The following KCNMA1 variants were observed in gnomAD, a reference collection of about 807,000 sequenced individuals.
KCNMA1 encodes the protein Calcium-activated potassium channel subunit alpha-1.
A neutral mutation model predicts 140.0 loss-of-function variants in KCNMA1; 29 were observed. The observed-to-expected ratio is 0.21, with a 90% CI of 0.15 to 0.28. The LOEUF (loss-of-function observed/expected upper bound fraction) is 0.28. Ranked by LOEUF, KCNMA1 falls within the 10% of genes least tolerant of loss-of-function variation. KCNMA1 has a pLI of 1.00. For missense variants in KCNMA1, 880 were observed against 1,602.2 expected (o/e 0.55, Z 7.70); for synonymous variants, 612 against 611.9 (o/e 1.00, Z 0.00).
chr10:77,538,959 C>T (rs1196606509), intron 1 of KCNMA1, among the ~76,000 whole-genome samples: 2 of 152,230 alleles, frequency 1.3e-5, no homozygotes, highest in South Asian at 2.1e-4. Flanking sequence ...GTACATAGGT[C>T]CCCCCTCCTG....
chr10:76,939,569 G>A lies in KCNMA1; in HGVS notation c.2902+5204C>T, dbSNP rs571310890. 5.9e-5 allele frequency: 9 copies of A among 152,338 alleles called. No homozygotes were observed. The East Asian group carries it at 9.7e-4, about 16-fold the overall frequency. The allele number at this position is 152,338 out of a possible 1,614,324, so 9.4% of individuals were successfully genotyped here. ...TCCTCCACTCACCTGAATCCTGCAA[G>A]CATAGTGAGTGGCTGAATCCAAGCA... On this transcript the variant is annotated intron_variant, in intron 23 of 27. Coordinates refer to ENST00000286628, the MANE Select transcript of KCNMA1 (RefSeq NM_001161352.2).
At chr10:77,601,576 C>A (rs1379945946) in intron 1 of KCNMA1, among the ~76,000 whole-genome samples, 1 of 152,178 alleles carries the variant, frequency 6.6e-6, no homozygotes, top group Non-Finnish European at 1.5e-5. Context: ...TATCTGCTGG[C>A]AGCTTATTCC....
intron 21 of KCNMA1, among the ~76,000 whole-genome samples, chr10:76,950,105 G>A (rs1591688166): frequency 6.6e-6 from 1 of 152,148 alleles, no homozygotes; most frequent in African/African-American, 2.4e-5. Context: ...ATACGTTTAG[G>A]TATTGCCTAT....
intron 23 of KCNMA1, among the ~76,000 whole-genome samples, chr10:76,935,471 T>A (rs1435414359): frequency 2.6e-5 from 4 of 152,228 alleles, no homozygotes; most frequent in African/African-American, 9.6e-5. Flanking sequence ...CTTGACTAGC[T>A]ATAAGGCTAT....
chr10:77,238,945 T>C (rs1267217774), intron 3 of KCNMA1, among the ~76,000 whole-genome samples: 1 of 152,184 alleles, frequency 6.6e-6, no homozygotes, highest in East Asian at 1.9e-4. Flanking sequence ...TCTATAATTT[T>C]ACTTGCTGTA....
chr10:77,083,946 A>G (rs1225342280), intron 12 of KCNMA1, among the ~76,000 whole-genome samples: 1 of 152,172 alleles, frequency 6.6e-6, no homozygotes, highest in African/African-American at 2.4e-5. Context: ...GCATATTAGT[A>G]TTAAAAGCAC....
intron 29 of KCNMA1, among the ~76,000 whole-genome samples, chr10:76,879,320 G>A (rs1420234535): frequency 6.6e-6 from 1 of 152,108 alleles, no homozygotes; most frequent in African/African-American, 2.4e-5. Flanking sequence ...GAAACTTGCT[G>A]CCTCTTGCCT....
At chr10:77,296,280 A>G (rs541285890) in intron 2 of KCNMA1, among the ~76,000 whole-genome samples, 2 of 152,174 alleles carry the variant, frequency 1.3e-5, no homozygotes, top group Non-Finnish European at 2.9e-5. Flanking sequence ...GGAAGGGGCC[A>G]TGGACCAAAA....
At chr10:77,085,247 T>C (rs961919328) in intron 11 of KCNMA1, among the ~76,000 whole-genome samples, 4 of 152,120 alleles carry the variant, frequency 2.6e-5, no homozygotes, top group Non-Finnish European at 5.9e-5. Context: ...TCAGATAACA[T>C]CACCATATTG....
rs571786337 is a variant in KCNMA1, at chr10:77,108,363, G to A, written c.1223+118C>T. 3 of 1,594,858 alleles carry A rather than the reference G, an allele frequency of 1.9e-6. No individual in the cohort carries two copies. In the South Asian group the frequency reaches 3.4e-5, roughly 18 times the overall value. ...TGAGAGCAGCAATTTCGGGCACGTA[G>A]CGGGCAAACATTGCCTACATGCATG... On this transcript the variant is annotated intron_variant, in intron 9 of 27. Transcript: ENST00000286628. The surrounding 1 kb of genome is among the most constrained non-coding windows in gnomAD (Gnocchi z 4.6).
intron 19 of KCNMA1, among the ~76,000 whole-genome samples, chr10:76,973,523 T>C (rs1302675524): frequency 1.3e-5 from 2 of 152,242 alleles, no homozygotes; most frequent in Non-Finnish European, 2.9e-5. Context: ...TTAACATGTT[T>C]GCTTATACTT....
At chr10:77,260,953 T>C (rs1224813520) in intron 2 of KCNMA1, among the ~76,000 whole-genome samples, 1 of 152,180 alleles carries the variant, frequency 6.6e-6, no homozygotes, top group Non-Finnish European at 1.5e-5. Context: ...GTTCCAATAA[T>C]AAGTGAATAT....
At chr10:77,602,845 C>T (rs2083095467) in intron 1 of KCNMA1, among the ~76,000 whole-genome samples, 1 of 152,244 alleles carries the variant, frequency 6.6e-6, no homozygotes, top group Non-Finnish European at 1.5e-5. Flanking sequence ...ATTCTCAGAG[C>T]ATGTCCAGGG....
At chr10:77,203,106 T>C (rs2042970681) in intron 3 of KCNMA1, among the ~76,000 whole-genome samples, 2 of 152,208 alleles carry the variant, frequency 1.3e-5, no homozygotes, top group South Asian at 4.1e-4. Context: ...GGAAGTACCA[T>C]CTTTTTCTTG....
In KCNMA1 at chr10:77,012,118, G is replaced by A. The variant is rs997391724; in HGVS notation, c.2016-75C>T. ...GAAATGAGTACCACATTTCCTCCAC[G>A]GTGGTGCCAAATTAATGAAACACGC... On this transcript the variant is annotated intron_variant, in intron 17 of 27. Coordinates refer to ENST00000286628, the MANE Select transcript of KCNMA1 (RefSeq NM_001161352.2). 29 of 1,608,768 alleles carry A rather than the reference G, an allele frequency of 1.8e-5. No individual in the cohort carries two copies. In the African/African-American group the frequency reaches 2.3e-4, roughly 13 times the overall value.
chr10:77,133,591 A>G (rs2097910762), intron 5 of KCNMA1, among the ~76,000 whole-genome samples: 1 of 150,966 alleles, frequency 6.6e-6, no homozygotes, highest in Non-Finnish European at 1.5e-5. Flanking sequence ...ATATTGATAA[A>G]AGAAACAATC....
intron 20 of KCNMA1, among the ~76,000 whole-genome samples, chr10:76,968,824 G>A (rs972220018): frequency 6.6e-6 from 1 of 152,220 alleles, no homozygotes; most frequent in Non-Finnish European, 1.5e-5. Context: ...CGGAAAACCT[G>A]TGTCCTCAAC....
chr10:77,006,726 A>T lies in KCNMA1; in HGVS notation c.2093-5146T>A, dbSNP rs150822046. Among the ~76,000 whole-genome samples, 8 of 152,320 alleles carry T rather than the reference A, an allele frequency of 5.3e-5. No homozygotes were observed. In the East Asian group the frequency reaches 1.5e-3, roughly 29 times the overall value. On this transcript the variant is annotated intron_variant, in intron 18 of 27. Coordinates refer to ENST00000286628, the MANE Select transcript of KCNMA1 (RefSeq NM_001161352.2). ...GCTGAGGAAGGCAGAAGTATTTGGC[A>T]CTAGAGTTGTTGGTTGATTGACACC... is the stretch of plus-strand genomic sequence containing the variant.
chr10:77,001,478 A>C lies in KCNMA1; in HGVS notation c.2195T>G (p.Val732Gly). 2 of 1,551,952 alleles carry C rather than the reference A, an allele frequency of 1.3e-6. No homozygotes were observed. The highest frequency in any genetic ancestry group is 1.7e-6 in the Non-Finnish European group (2 of 1,147,028). Residue 732 changes from valine (V) to glycine (G), a missense_variant, in exon 19 of 28, where the codon GTG becomes GGG. By Grantham distance (109) the Val-to-Gly change is moderately radical. Around this residue, in one of 13 missense-constraint regions of KCNMA1, gnomAD observed 196 missense variants for 233.0 expected, o/e 0.84. Coordinates refer to ENST00000286628, the MANE Select transcript of KCNMA1 (RefSeq NM_001161352.2). ...SCMSGRVRGN[V>G]DTLERAFPLS... ...TGGGAAGGCTCTCTCAAGGGTGTCC[A>C]CGTTACCACGCACACGGCCTGACAT...
Sources: gnomAD v4.1 joint callset for allele counts (sites outside exome capture counted in the v4.1 genomes callset) on GRCh38, gnomAD v4.1.1 for gene constraint, gnomAD v4.1.1 regional missense constraint, Gnocchi (gnomAD v3.1) non-coding constraint, MANE v1.5 for transcripts, NCBI Gene and HGNC (gene_info 2026-07-23, HGNC 2026-07-21) for gene names.